Variants in KIR2DL3 observed in about 807,000 individuals in gnomAD.
The protein encoded by KIR2DL3 is killer cell immunoglobulin-like receptor 2DL3.
A neutral mutation model predicts 33.8 loss-of-function variants in KIR2DL3; 39 were observed. That is an observed-to-expected ratio of 1.15 (90% CI 0.89 to 1.51). The LOEUF (loss-of-function observed/expected upper bound fraction) is 1.51, where lower values mean the gene tolerates loss of function less well. KIR2DL3 is among the 40% of genes most tolerant of loss of function. The pLI is 0.00. For synonymous variants in KIR2DL3, 174 were observed against 160.2 expected (o/e 1.09, Z -0.65); for missense variants, 462 against 426.2 (o/e 1.08, Z -0.74).
Position 54,752,834 on chromosome 19 carries a change from T to A in KIR2DL3, c.*315T>A. 2.1e-6 allele frequency: 1 copy of A among 485,566 alleles called. No individual in the cohort carries two copies. The highest frequency in any genetic ancestry group is 2.3e-5 in the South Asian group (1 of 43,774). 30.1% of individuals were successfully genotyped at this position (485,566 alleles called of 1,614,324 possible). ...AACCTAACTGGCTTACTTCCTAGTC[T>A]ACTTGAGGCTGCAATCACACTGAGG... is the stretch of plus-strand genomic sequence containing the variant. On this transcript the variant is annotated 3_prime_UTR_variant, in exon 8 of 8. Coordinates refer to ENST00000342376, the MANE Select transcript of KIR2DL3 (RefSeq NM_015868.3).
chr19:54,744,332 C>T (rs35222638), intron 4 of KIR2DL3, among the ~76,000 whole-genome samples: 3 of 151,854 alleles, frequency 2.0e-5, no homozygotes, highest in Admixed American at 6.6e-5. Context: ...CAGGAGAGAC[C>T]CAGAGGAGAG....
chr19:54,751,467 C>G (rs1459735917), intron 5 of KIR2DL3, among the ~76,000 whole-genome samples, 182 bp from the exon 6 acceptor site: 1 of 133,224 alleles, frequency 7.5e-6, no homozygotes. Flanking sequence ...ATCCTCAACA[C>G]GTTCTATGGT....
At chr19:54,748,550 A>G (rs2072924251) in intron 5 of KIR2DL3, among the ~76,000 whole-genome samples, 1 of 148,230 alleles carries the variant, frequency 6.7e-6, no homozygotes, top group South Asian at 2.2e-4. Context: ...GGAGGGCAGA[A>G]AATGAATGCA....
intron 2 of KIR2DL3, among the ~76,000 whole-genome samples, chr19:54,739,756 C>A (rs1478401258): frequency 6.6e-6 from 1 of 152,138 alleles, no homozygotes; most frequent in African/African-American, 2.4e-5. Flanking sequence ...GTGCTCAAAG[C>A]TGGGGTGTGT....
In KIR2DL3 at chr19:54,752,399, A is replaced by T; in HGVS notation, c.906A>T (p.Thr302=). ...ATGAACAAGACCCTCAGGAGGTGAC[A>T]TATGCACAGTTGAATCACTGCGTTT... ...DSDEQDPQEV[T]YAQLNHCVFT... is the part of the protein sequence containing the mutation. The change falls in exon 8 of 8, where the codon ACA becomes ACT. Residue 302 remains threonine, a synonymous_variant. Coordinates refer to ENST00000342376, the MANE Select transcript of KIR2DL3 (RefSeq NM_015868.3). 13 of 1,470,406 alleles carry T rather than the reference A, an allele frequency of 8.8e-6. 2 individuals are homozygous for T. The highest frequency in any genetic ancestry group is 1.2e-5 in the Non-Finnish European group (13 of 1,080,482). 91.1% of individuals were successfully genotyped at this position (1,470,406 alleles called of 1,614,324 possible).
At chr19:54,745,551 A>G (rs1352187597) in intron 4 of KIR2DL3, among the ~76,000 whole-genome samples, 1 of 150,400 alleles carries the variant, frequency 6.6e-6, no homozygotes, top group Admixed American at 6.7e-5. Context: ...TTTAGTATAG[A>G]TGGGGTTTCC....
intron 5 of KIR2DL3, among the ~76,000 whole-genome samples, chr19:54,748,685 G>C (rs540215527): frequency 1.5e-3 from 216 of 143,152 alleles, no homozygotes; most frequent in African/African-American, 5.4e-3. Flanking sequence ...GCAGTGTCAC[G>C]ATCTTGGCTC....
rs184875295 is a variant in KIR2DL3 at position 54,751,263 on chromosome 19, T to A, written c.716-386T>A. 9.4e-3 allele frequency among the ~76,000 whole-genome samples: 1,083 copies of A among 115,578 alleles called. 1 individual carries two copies. Among genetic ancestry groups the A allele is most frequent in the South Asian group, 0.019 (54 of 2,816 alleles). 75.8% of individuals were successfully genotyped at this position (115,578 alleles called of 152,430 possible). Reference sequence around the variant, plus strand: ...GGAGCGATGGAGCTTCCAAGCTCTTTTGAACAACCAGCTCTCCAGGAACTA... The same window carrying A: ...GGAGCGATGGAGCTTCCAAGCTCTTATGAACAACCAGCTCTCCAGGAACTA... On this transcript the variant is annotated intron_variant, in intron 5 of 7. Coordinates refer to ENST00000342376, the MANE Select transcript of KIR2DL3 (RefSeq NM_015868.3).
chr19:54,743,668 G>C, intron 3 of KIR2DL3, 127 bp from the exon 4 acceptor site: 1 of 972,050 alleles, frequency 1.0e-6, no homozygotes, highest in Non-Finnish European at 1.5e-6. Flanking sequence ...GAGAGATGGG[G>C]TGGAGGGTGA....
intron 6 of KIR2DL3, 128 bp downstream of exon 6, chr19:54,751,881 C>A: frequency 2.4e-6 from 2 of 838,338 alleles, no homozygotes; most frequent in Non-Finnish European, 3.6e-6. Flanking sequence ...AGAGGGAGGA[C>A]TTTCTAGAGA....
In KIR2DL3 at chr19:54,752,822, T is replaced by G; in HGVS notation, c.*303T>G. 4.0e-6 allele frequency: 2 copies of G among 494,890 alleles called. No homozygotes were observed. Among genetic ancestry groups the G allele is most frequent in the East Asian group, 3.1e-5 (1 of 31,818 alleles). The allele number at this position is 494,890 out of a possible 1,614,324, so 30.7% of individuals were successfully genotyped here. A position where few individuals can be genotyped will look rare whatever the true frequency, so the allele number is the denominator to read the frequency against. ...GCCCACCTCTCCAACCTAACTGGCT[T>G]ACTTCCTAGTCTACTTGAGGCTGCA... On this transcript the variant is annotated 3_prime_UTR_variant, in exon 8 of 8. Coordinates refer to ENST00000342376, the MANE Select transcript of KIR2DL3 (RefSeq NM_015868.3).
At chr19:54,742,553 G>A (rs2071375045) in intron 3 of KIR2DL3, among the ~76,000 whole-genome samples, 3 of 151,954 alleles carry the variant, frequency 2.0e-5, no homozygotes. Context: ...AGAGAGAGGT[G>A]TCCCTCCATG....
intron 5 of KIR2DL3, among the ~76,000 whole-genome samples, chr19:54,749,822 C>T (rs1449202631): frequency 2.5e-5 from 2 of 78,724 alleles, no homozygotes; most frequent in Admixed American, 2.9e-4. Flanking sequence ...ATGACTTCAA[C>T]CCAGTAGGTG....
Position 54,738,560 on chromosome 19 carries a change from C to T in KIR2DL3, c.15C>T (p.Val5=), listed in dbSNP as rs748497705. 25 of 1,614,022 alleles carry T rather than the reference C, an allele frequency of 1.5e-5. No individual in the cohort carries two copies. The highest frequency in any genetic ancestry group is 1.7e-5 in the Admixed American group (1 of 60,006). The change falls in exon 1 of 8, where the codon GTC becomes GTT. Residue 5 remains valine, a synonymous_variant. Coordinates refer to ENST00000342376, the MANE Select transcript of KIR2DL3 (RefSeq NM_015868.3). MSLM[V]VSMVCVGFFL... ...CAGACAGCACCATGTCGCTCATGGT[C>T]GTCAGCATGGTGTGTGTTGGTGAGT...
intron 4 of KIR2DL3, 128 bp from the exon 5 acceptor site, chr19:54,747,207 G>C (rs1408686461): frequency 9.0e-7 from 1 of 1,116,850 alleles, no homozygotes; most frequent in African/African-American, 1.6e-5. Flanking sequence ...ACGGAAAAAA[G>C]GATCCCAGGA....
chr19:54,740,611 T>G (rs9797798), intron 2 of KIR2DL3, among the ~76,000 whole-genome samples: 85,174 of 149,230 alleles, frequency 0.57, 24,798 homozygotes, highest in Middle Eastern at 0.68. Flanking sequence ...AGAGCTTCTG[T>G]TGGGCATGTC....
At position 54,751,303 on chromosome 19, in the gene KIR2DL3, T is replaced by A. The variant is rs1555921036; in HGVS notation, c.716-346T>A. 5.3e-5 allele frequency among the ~76,000 whole-genome samples: 7 copies of A among 131,346 alleles called. 2 individuals carry two copies. The highest frequency in any genetic ancestry group is 4.7e-4 in the Admixed American group (6 of 12,680). The allele number at this position is 131,346 out of a possible 152,430, so 86.2% of individuals were successfully genotyped here. The stretch of plus-strand genomic sequence containing the variant: ...TCCAGGAACTAATAGAAGGGGAACT[T>A]GCTAACCCCGTCTCCTTGGGACAGC... On this transcript the variant is annotated intron_variant, in intron 5 of 7. Coordinates refer to ENST00000342376, the MANE Select transcript of KIR2DL3 (RefSeq NM_015868.3).
chr19:54,744,881 T>G (rs1391551208), intron 4 of KIR2DL3, among the ~76,000 whole-genome samples: 10 of 74,926 alleles, frequency 1.3e-4, no homozygotes, highest in Admixed American at 4.4e-4. Context: ...TATATATATA[T>G]ATATATATAT....
At chr19:54,741,010 C>A (rs997481631) in intron 2 of KIR2DL3, among the ~76,000 whole-genome samples, 1 of 151,666 alleles carries the variant, frequency 6.6e-6, no homozygotes, top group East Asian at 1.9e-4. Context: ...CCAGAGGGAA[C>A]AAAGCCCTGC....
Sources: allele counts gnomAD v4.1 joint callset (sites outside exome capture counted in the v4.1 genomes callset), GRCh38; gene constraint gnomAD v4.1.1; transcripts MANE v1.5; gene names NCBI Gene and HGNC (gene_info 2026-07-23, HGNC 2026-07-21).